Variants in CCL24 observed in about 807,000 individuals in gnomAD.
CCL24 encodes C-C motif chemokine ligand 24, also known as C-C motif chemokine 24.
Under a neutral mutation model 8.6 loss-of-function variants are expected in CCL24, and 6 were observed. The observed-to-expected ratio is 0.70, with a 90% CI of 0.38 to 1.38. The LOEUF is 1.38. CCL24 is among the 40% of genes most tolerant of loss of function. The pLI, the probability that CCL24 is intolerant of heterozygous loss-of-function variation, is 0.02. For missense variants in CCL24, 126 were observed against 147.1 expected, an observed-to-expected ratio of 0.86 and a Z score of 0.74; for synonymous variants, 59 against 52.7, an observed-to-expected ratio of 1.12 and a Z score of -0.52.
upstream of CCL24, among the ~76,000 whole-genome samples, chr7:75,815,589 A>T (rs1400013096): frequency 6.6e-6 from 1 of 152,194 alleles, no homozygotes; most frequent in African/African-American, 2.4e-5. Flanking sequence ...TGGAGGACAG[A>T]AGGCACTGGC....
At chr7:75,814,603 T>C (rs782500849), upstream of CCL24, among the ~76,000 whole-genome samples, 5 of 151,062 alleles carry the variant, frequency 3.3e-5, no homozygotes, top group Non-Finnish European at 5.9e-5. Context: ...AATCAGTCCA[T>C]GACAAGTCTT....
chr7:75,815,943 C>A (rs554040901), upstream of CCL24, among the ~76,000 whole-genome samples: 1 of 152,284 alleles, frequency 6.6e-6, no homozygotes, highest in African/African-American at 2.4e-5. Context: ...CTCCCATACC[C>A]AACCCCTCCC....
upstream of CCL24, among the ~76,000 whole-genome samples, chr7:75,814,290 G>A (rs1554533835): frequency 6.6e-6 from 1 of 152,170 alleles, no homozygotes; most frequent in Non-Finnish European, 1.5e-5. Flanking sequence ...GGTCAGCTGG[G>A]CACGGGGGCT....
At chr7:75,816,585 G>T (rs1005934015), upstream of CCL24, among the ~76,000 whole-genome samples, 69 of 149,488 alleles carry the variant, frequency 4.6e-4, no homozygotes, top group African/African-American at 1.7e-3. Flanking sequence ...TTTTTGATAC[G>T]GAGTCTCTCT....
At chr7:75,819,293 A>ACATATATAT (rs1803967485) in intron 1 of CCL24, among the ~76,000 whole-genome samples, 1 of 18,320 alleles carries the variant, frequency 5.5e-5, no homozygotes, top group Non-Finnish European at 1.1e-4. Context: ...AAAAAAAAAA[A>ACATATATAT]AAAAAAAAAA....
At chr7:75,813,827 G>A, upstream of CCL24, 1 of 757,240 alleles carries the variant, frequency 1.3e-6, no homozygotes. Context: ...CCCTCCCTCT[G>A]CCCTTTATGG....
chr7:75,815,871 T>C (rs972375809), upstream of CCL24, among the ~76,000 whole-genome samples: 15 of 152,208 alleles, frequency 9.9e-5, no homozygotes, highest in Non-Finnish European at 4.4e-5. Flanking sequence ...CACAGGTTCA[T>C]ATTGCTACTG....
In CCL24 at chr7:75,818,868, A is replaced by C. The variant is rs558508834; in HGVS notation, c.-60+4454T>G. ...GTAGGACCACCAGCCATGATACAAG[A>C]AGGAACATTTCTCATTTTATTTAAA... On this transcript the variant is annotated intron_variant, in intron 1 of 3. Transcript: ENST00000416943. Among the ~76,000 whole-genome samples, 9 of 152,070 alleles carry C rather than the reference A, an allele frequency of 5.9e-5. No homozygotes were observed. In the South Asian group the frequency reaches 1.9e-3, roughly 32 times the overall value.
chr7:75,820,018 ACTTCTTCTTCTTCTTCTTCTTCTT>A (rs1204717433), intron 1 of CCL24, among the ~76,000 whole-genome samples: 35 of 104,812 alleles, frequency 3.3e-4, no homozygotes, highest in African/African-American at 1.1e-3. Flanking sequence ...TTAGTAAACT[ACTTCTTCTTCTTCTTCTTCTTCTT>A]CTTCTTCTTC....
chr7:75,821,887 C>A (rs1804057412), intron 1 of CCL24, among the ~76,000 whole-genome samples: 1 of 148,880 alleles, frequency 6.7e-6, no homozygotes, highest in Non-Finnish European at 1.5e-5. Context: ...GAGATCCCGC[C>A]ACTGCACTCC....
At position 75,811,144 on chromosome 7, in the gene CCL24, C is replaced by T. The variant is rs57371885; in HGVS notation, c.*652G>A. Among the ~76,000 whole-genome samples, 23,736 of 150,346 alleles carry T rather than the reference C, an allele frequency of 0.16. 2,084 individuals are homozygous for T. The highest frequency in any genetic ancestry group is 0.31 in the East Asian group (1,565 of 5,086). The stretch of plus-strand genomic sequence containing the variant: ...CACCCCAGTCCTCCACGTTCATTTC[C>T]TTTAAAAAAAAAAAAATTATGATTT... On this transcript the variant is annotated 3_prime_UTR_variant, in exon 3 of 3. Coordinates refer to ENST00000222902, the MANE Select transcript of CCL24 (RefSeq NM_002991.3).
chr7:75,812,033 G>T, intron 2 of CCL24, 69 bp from the exon 3 acceptor site: 1 of 1,349,338 alleles, frequency 7.4e-7, no homozygotes, highest in East Asian at 2.3e-5. Flanking sequence ...CTTCATGGCG[G>T]GGGGGATGTG....
At chr7:75,822,549 T>G (rs1013900296) in intron 1 of CCL24, among the ~76,000 whole-genome samples, 4 of 152,140 alleles carry the variant, frequency 2.6e-5, no homozygotes, top group African/African-American at 9.7e-5. Context: ...AAACTGAGGT[T>G]CAGGCTGGGC....
At chr7:75,820,099 T>TC (rs1554534854) in intron 1 of CCL24, among the ~76,000 whole-genome samples, 25 of 128,346 alleles carry the variant, frequency 1.9e-4, no homozygotes, top group Middle Eastern at 3.7e-3. Flanking sequence ...CTCTTCTTCT[T>TC]CTTCTTCCTT....
upstream of CCL24, among the ~76,000 whole-genome samples, chr7:75,818,306 G>A (rs975280684): frequency 2.4e-4 from 37 of 151,976 alleles, no homozygotes; most frequent in African/African-American, 8.9e-4. Context: ...AATTAGCTGG[G>A]CGTGGTGGCA....
At chr7:75,813,547 C>T in intron 1 of CCL24, 96 bp downstream of exon 1, 1 of 1,303,028 alleles carries the variant, frequency 7.7e-7, no homozygotes, top group Non-Finnish European at 1.1e-6. Flanking sequence ...ACCCTTTCCC[C>T]AGCGCTTCCC....
chr7:75,818,317 C>G (rs982386157), upstream of CCL24, among the ~76,000 whole-genome samples: 6 of 151,664 alleles, frequency 4.0e-5, no homozygotes, highest in East Asian at 1.9e-4. Flanking sequence ...CGTGGTGGCA[C>G]GCACCTGTAG....
chr7:75,820,119 CT>C, intron 1 of CCL24, among the ~76,000 whole-genome samples: 1 of 129,838 alleles, frequency 7.7e-6, no homozygotes. Context: ...TCTTCTTCTT[CT>C]TCTTCTTCTT....
upstream of CCL24, among the ~76,000 whole-genome samples, chr7:75,814,994 C>T (rs1248076360): frequency 6.6e-6 from 1 of 152,024 alleles, no homozygotes; most frequent in African/African-American, 2.4e-5. Context: ...CTTTGGGGAC[C>T]CTGACCCAGG....
Sources: gnomAD v4.1 joint callset for allele counts (sites outside exome capture counted in the v4.1 genomes callset) on GRCh38, gnomAD v4.1.1 for gene constraint, MANE v1.5 for transcripts, NCBI Gene and HGNC (gene_info 2026-07-23, HGNC 2026-07-21) for gene names.